The following APOLD1 variants were observed in gnomAD, a reference collection of about 807,000 sequenced individuals.
The protein encoded by APOLD1 is apolipoprotein L domain containing 1.
APOLD1 carries 22 observed loss-of-function variants against 15.3 expected under a neutral mutation model. The observed-to-expected ratio is 1.44, with a 90% CI of 1.03 to 2.05. The LOEUF is 2.05. Ranked by LOEUF, APOLD1 falls within the 30% of genes most tolerant of loss-of-function variation. APOLD1 has a pLI of 0.00. For synonymous variants in APOLD1, 190 were observed against 167.4 expected (o/e 1.13, Z -1.04); for missense variants, 394 against 353.5 (o/e 1.11, Z -0.92).
chr12:12,743,045 C>T (rs1441211892), intron 1 of APOLD1, among the ~76,000 whole-genome samples: 1 of 152,242 alleles, frequency 6.6e-6, no homozygotes, highest in Non-Finnish European at 1.5e-5. Context: ...AGCCACCGCG[C>T]CCCGCCATGG....
Position 12,760,007 on chromosome 12 carries a change from A to T in APOLD1, c.97-26902A>T, listed in dbSNP as rs114725142. Among the ~76,000 whole-genome samples the T allele has an allele frequency of 3.7e-3, 566 of 152,360 alleles. 2 individuals carry two copies. Among genetic ancestry groups the T allele is most frequent in the African/African-American group, 0.013 (538 of 41,586 alleles). On this transcript the variant is annotated intron_variant, in intron 1 of 1. Coordinates refer to the APOLD1 transcript ENST00000326765. Reference sequence around the variant, plus strand: ...GGAACTATACAACACCATGAAAAAAATTAAGACAAGCAACTGAATAGAAGT... The same window carrying T: ...GGAACTATACAACACCATGAAAAAATTTAAGACAAGCAACTGAATAGAAGT...
chr12:12,769,030 C>A (rs1946963620), intron 1 of APOLD1, among the ~76,000 whole-genome samples: 4 of 151,892 alleles, frequency 2.6e-5, no homozygotes, highest in Admixed American at 2.6e-4. Context: ...GAGTTCAAGA[C>A]CAGCTGGAGC....
chr12:12,758,249 T>G (rs900150982), intron 1 of APOLD1, among the ~76,000 whole-genome samples: 9 of 151,728 alleles, frequency 5.9e-5, no homozygotes, highest in African/African-American at 2.2e-4. Context: ...TTCAATTATC[T>G]TAAAAACTGG....
intron 1 of APOLD1, among the ~76,000 whole-genome samples, chr12:12,740,539 T>C (rs1011007594): frequency 7.9e-5 from 12 of 152,236 alleles, no homozygotes; most frequent in Non-Finnish European, 1.6e-4. Flanking sequence ...TGAACCCCAG[T>C]AGTTGACTGT....
chr12:12,740,440 A>G (rs1247026131), intron 1 of APOLD1, among the ~76,000 whole-genome samples: 1 of 152,012 alleles, frequency 6.6e-6, no homozygotes, highest in Non-Finnish European at 1.5e-5. Context: ...TTCTATGGAC[A>G]CCCTACTTTG....
chr12:12,776,777 T>TA (rs558999184), intron 1 of APOLD1, among the ~76,000 whole-genome samples: 1 of 152,104 alleles, frequency 6.6e-6, no homozygotes, highest in East Asian at 1.9e-4. Context: ...CCTTTAAAAA[T>TA]AAAAAATCGG....
intron 1 of APOLD1, among the ~76,000 whole-genome samples, chr12:12,757,592 G>A (rs956780003): frequency 5.3e-5 from 8 of 151,946 alleles, no homozygotes; most frequent in Non-Finnish European, 8.8e-5. Flanking sequence ...AGCCACCCCC[G>A]AAAGCCCCTC....
At chr12:12,736,105 C>T (rs1425115378) in intron 1 of APOLD1, among the ~76,000 whole-genome samples, 1 of 152,086 alleles carries the variant, frequency 6.6e-6, no homozygotes, top group African/African-American at 2.4e-5. Context: ...CCTGTAATCC[C>T]AGCATTTTGG....
At chr12:12,755,087 A>T (rs1946847183) in intron 1 of APOLD1, among the ~76,000 whole-genome samples, 1 of 152,060 alleles carries the variant, frequency 6.6e-6, no homozygotes, top group South Asian at 2.1e-4. Flanking sequence ...AAACAGTGTG[A>T]TATAAGTGCA....
Position 12,788,889 on chromosome 12 carries a change from TGAGAGA to T in APOLD1, c.*1251_*1256del, listed in dbSNP as rs3080830. On this transcript the variant is annotated 3_prime_UTR_variant, in exon 2 of 2. Transcript: ENST00000356591. ...ACAGACTGTGTCCCAGAAGCCAAAA[TGAGAGA>T]GAGAGAGAGAGAGCACGCGTACGTG... is the stretch of plus-strand genomic sequence containing the variant. The T allele has an allele frequency of 4.0e-5, 6 of 150,340 alleles. No individual in the cohort carries two copies. Among genetic ancestry groups the T allele is most frequent in the Admixed American group, 6.6e-5 (1 of 15,080 alleles). The allele number at this position is 150,340 out of a possible 1,614,324, so 9.3% of individuals were successfully genotyped here.
At chr12:12,775,599 A>G (rs575273733) in intron 1 of APOLD1, among the ~76,000 whole-genome samples, 11 of 152,356 alleles carry the variant, frequency 7.2e-5, no homozygotes, top group Non-Finnish European at 1.3e-4. Context: ...CTGCTCTAAA[A>G]AATAGTCTAA....
intron 1 of APOLD1, among the ~76,000 whole-genome samples, chr12:12,745,479 A>G (rs1946758609): frequency 6.6e-6 from 1 of 152,078 alleles, no homozygotes; most frequent in Non-Finnish European, 1.5e-5. Flanking sequence ...GCGGTGGGCC[A>G]ATATCGTGCC....
intron 1 of APOLD1, among the ~76,000 whole-genome samples, chr12:12,767,817 ACT>A (rs993010621): frequency 6.6e-6 from 1 of 151,658 alleles, no homozygotes; most frequent in Non-Finnish European, 1.5e-5. Context: ...ACGGAGTCTC[ACT>A]CTGTCACTCG....
At position 12,785,674 on chromosome 12, in the gene APOLD1, G is replaced by A; in HGVS notation, c.-18G>A. 6.2e-7 allele frequency: 1 copy of A among 1,614,200 alleles called. No individual in the cohort carries two copies. Among genetic ancestry groups the A allele is most frequent in the Non-Finnish European group, 8.5e-7 (1 of 1,180,024 alleles). On this transcript the variant is annotated 5_prime_UTR_variant, in exon 1 of 2. Transcript: ENST00000356591. ...AAACAGCCTCAGATTTTACTTTCCT[G>A]GAGGCAGACAGAAGTGAATGGTAAG...
chr12:12,739,279 T>C (rs1946713143), intron 1 of APOLD1, among the ~76,000 whole-genome samples: 1 of 152,266 alleles, frequency 6.6e-6, no homozygotes, highest in Non-Finnish European at 1.5e-5. Context: ...GGAATTTGTA[T>C]TCTGCTATCG....
chr12:12,753,032 T>G (rs1946824436), intron 1 of APOLD1, among the ~76,000 whole-genome samples: 1 of 152,118 alleles, frequency 6.6e-6, no homozygotes, highest in African/African-American at 2.4e-5. Flanking sequence ...TGCACTCACG[T>G]TGGAACACTA....
intron 1 of APOLD1, among the ~76,000 whole-genome samples, chr12:12,730,680 TAAA>T (rs1172166554): frequency 2.1e-5 from 2 of 96,612 alleles, no homozygotes. Context: ...AGACTTCCTC[TAAA>T]AAAAAAAAAA....
chr12:12,745,128 G>A (rs1264799991), intron 1 of APOLD1, among the ~76,000 whole-genome samples: 2 of 152,154 alleles, frequency 1.3e-5, no homozygotes, highest in Admixed American at 6.5e-5. Context: ...CTCCCTAGAG[G>A]GCCTTTGTTG....
Position 12,780,034 on chromosome 12 carries a change from G to A in APOLD1, c.97-6875G>A, listed in dbSNP as rs368728604. 3.7e-4 allele frequency among the ~76,000 whole-genome samples: 57 copies of A among 152,028 alleles called. No individual in the cohort carries two copies. The South Asian group carries it at 0.012, about 31-fold the overall frequency. On this transcript the variant is annotated intron_variant, in intron 1 of 1. Coordinates refer to the APOLD1 transcript ENST00000326765. The stretch of plus-strand genomic sequence containing the variant: ...GAATAAGTATTCTAAGTTATACCAA[G>A]CTGTATAGTCCAAGAGAAAATTTTA...
Sources: allele counts gnomAD v4.1 joint callset (sites outside exome capture counted in the v4.1 genomes callset), GRCh38; gene constraint gnomAD v4.1.1; transcripts MANE v1.5; gene names NCBI Gene and HGNC (gene_info 2026-07-23, HGNC 2026-07-21).